The following STON2 variants were observed in gnomAD, a reference collection of about 807,000 sequenced individuals.
The protein encoded by STON2 is stonin 2, also known as stonin-2.
In STON2, 29 loss-of-function variants were observed where a neutral mutation model predicts 65.7. The ratio of observed to expected loss-of-function variants is 0.44; its 90% CI spans 0.33 to 0.60. The LOEUF is 0.60. Among genes scored for constraint, STON2 ranks in the 20% least tolerant of loss-of-function variants. The pLI is 0.03. For synonymous variants in STON2, 404 were observed against 414.2 expected (o/e 0.98, Z 0.30); for missense variants, 1,054 against 1,118.1 (o/e 0.94, Z 0.82).
upstream of STON2, among the ~76,000 whole-genome samples, chr14:81,401,588 TTGC>T (rs1566944890): frequency 6.6e-6 from 1 of 152,174 alleles, no homozygotes; most frequent in Non-Finnish European, 1.5e-5. Context: ...CTGGAATTAG[TTGC>T]TTGGTAAAAA....
chr14:81,323,098 G>T (rs748701092), intron 5 of STON2, among the ~76,000 whole-genome samples: 3 of 152,150 alleles, frequency 2.0e-5, no homozygotes, highest in Non-Finnish European at 4.4e-5. Context: ...ACATGTTTAT[G>T]AATATCTTCC....
At chr14:81,312,991 G>A (rs1240767360) in intron 5 of STON2, among the ~76,000 whole-genome samples, 1 of 152,224 alleles carries the variant, frequency 6.6e-6, no homozygotes, top group Non-Finnish European at 1.5e-5. Flanking sequence ...AAAGGGCAAA[G>A]CCCCGTGTTT....
At chr14:81,332,758 TAATA>T (rs1267484497) in intron 4 of STON2, among the ~76,000 whole-genome samples, 2 of 152,238 alleles carry the variant, frequency 1.3e-5, no homozygotes, top group African/African-American at 4.8e-5. Flanking sequence ...AATAAAATAA[TAATA>T]AATTATTGGA....
At chr14:81,329,182 G>A (rs1041984031) in intron 4 of STON2, among the ~76,000 whole-genome samples, 4 of 152,134 alleles carry the variant, frequency 2.6e-5, no homozygotes, top group Admixed American at 1.3e-4. Context: ...ATGGCCGGGC[G>A]CGGTGGCTCA....
At position 81,434,633 on chromosome 14, in the gene STON2, A is replaced by G. The variant is rs567127662; in HGVS notation, c.-310+1688T>C. 5.9e-5 allele frequency among the ~76,000 whole-genome samples: 9 copies of G among 152,270 alleles called. No individual in the cohort carries two copies. In the South Asian group the frequency reaches 1.5e-3, roughly 25 times the overall value. On this transcript the variant is annotated intron_variant, in intron 1 of 8. Transcript: ENST00000553821. ...GGATAGGGGGTAGTATGGTGTGGTA[A>G]GACAGATTCCCACTGACATCACCCT...
intron 4 of STON2, among the ~76,000 whole-genome samples, chr14:81,365,742 C>T (rs1898694137): frequency 6.6e-6 from 1 of 151,952 alleles, no homozygotes; most frequent in Non-Finnish European, 1.5e-5. Flanking sequence ...GGTGACAGAA[C>T]AAGACTCTGT....
chr14:81,369,490 G>T (rs1346771776), intron 4 of STON2, among the ~76,000 whole-genome samples: 1 of 152,148 alleles, frequency 6.6e-6, no homozygotes, highest in African/African-American at 2.4e-5. Context: ...TTCCTTCAGT[G>T]AGGGGCCCAT....
At chr14:81,341,469 T>TCC (rs1555401172) in intron 4 of STON2, among the ~76,000 whole-genome samples, 9 of 148,178 alleles carry the variant, frequency 6.1e-5, no homozygotes, top group African/African-American at 2.1e-4. Flanking sequence ...TTTTTTTTTT[T>TCC]CCCAAAAGTC....
chr14:81,265,373 G>T lies in STON2; in HGVS notation c.*3041C>A. The stretch of plus-strand genomic sequence containing the variant: ...TTTTAAAAATTAATAATAATTTGTG[G>T]GTCCAGCATGGTGGCTCACGCCTGT... On this transcript the variant is annotated 3_prime_UTR_variant, in exon 8 of 8. Transcript: ENST00000614646. 1.0e-6 allele frequency: 1 copy of T among 982,630 alleles called. No individual in the cohort carries two copies. Among genetic ancestry groups the T allele is most frequent in the Non-Finnish European group, 1.2e-6 (1 of 827,562 alleles). 60.9% of individuals were successfully genotyped at this position (982,630 alleles called of 1,614,324 possible).
At chr14:81,328,929 A>G (rs1897100470) in intron 4 of STON2, among the ~76,000 whole-genome samples, 1 of 152,172 alleles carries the variant, frequency 6.6e-6, no homozygotes, top group Non-Finnish European at 1.5e-5. Flanking sequence ...TGCCAGCGCC[A>G]TGCTTCTTGT....
Position 81,278,715 on chromosome 14 carries a change from T to C in STON2, c.767A>G (p.Asp256Gly), listed in dbSNP as rs1894984767. ...GATGGCCTCCATCTCTACTTCTTCA[T>C]CTTCTTGAAGCGAGGAGGAATTGTC... ...PNDNSSSLQE[D>G]EEVEMEAISW... The change falls in exon 6 of 8, where the codon GAT (aspartate) becomes GGT (glycine). Residue 256 changes from aspartate to glycine, a missense_variant. Transcript: ENST00000614646. 6.6e-7 allele frequency: 1 copy of C among 1,518,066 alleles called. No homozygotes were observed. The highest frequency in any genetic ancestry group is 2.3e-5 in the Admixed American group (1 of 43,936). 94.0% of individuals were successfully genotyped at this position (1,518,066 alleles called of 1,614,324 possible). A position where few individuals can be genotyped will look rare whatever the true frequency, so the allele number is the denominator to read the frequency against.
At chr14:81,360,873 C>T (rs1039039881) in intron 4 of STON2, among the ~76,000 whole-genome samples, 10 of 151,996 alleles carry the variant, frequency 6.6e-5, no homozygotes, top group African/African-American at 2.4e-4. Context: ...TTCTATACAC[C>T]AACAAATGTT....
chr14:81,367,721 C>A (rs1013852020), intron 4 of STON2, among the ~76,000 whole-genome samples: 3 of 152,154 alleles, frequency 2.0e-5, no homozygotes, highest in Admixed American at 6.5e-5. Flanking sequence ...CCATGGCCTG[C>A]GGAGCTGCTC....
chr14:81,362,685 C>T (rs529987115), intron 4 of STON2, among the ~76,000 whole-genome samples: 11 of 152,094 alleles, frequency 7.2e-5, no homozygotes, highest in Middle Eastern at 6.8e-3. Context: ...GTGATAGATA[C>T]GTTAATTGAT....
chr14:81,399,803 G>A (rs1295804918), intron 1 of STON2, among the ~76,000 whole-genome samples: 1 of 152,074 alleles, frequency 6.6e-6, no homozygotes, highest in Non-Finnish European at 1.5e-5. Context: ...GTGCTTCCAG[G>A]CCCTTTTGGT....
intron 2 of STON2, among the ~76,000 whole-genome samples, chr14:81,426,591 G>T (rs996915690): frequency 6.6e-6 from 1 of 151,948 alleles, no homozygotes; most frequent in Non-Finnish European, 1.5e-5. Context: ...TTTGACCAGC[G>T]ACTCTCCCTT....
intron 4 of STON2, among the ~76,000 whole-genome samples, chr14:81,358,543 A>T (rs552230360): frequency 3.2e-4 from 48 of 152,340 alleles, no homozygotes; most frequent in African/African-American, 1.2e-3. Context: ...GTAAGTTTTT[A>T]CCTATTAATA....
At chr14:81,436,178 C>G (rs1213256366) in intron 1 of STON2, 1 of 151,994 alleles carries the variant, frequency 6.6e-6, no homozygotes, top group East Asian at 2.0e-4. Flanking sequence ...CAGGCAGGCT[C>G]GGGGGCGCCA....
At chr14:81,284,987 C>T (rs775489930) in intron 5 of STON2, among the ~76,000 whole-genome samples, 17 of 152,110 alleles carry the variant, frequency 1.1e-4, no homozygotes, top group Admixed American at 5.9e-4. Context: ...TGAGACCTAC[C>T]GCTCAGAAAA....
Sources: gnomAD v4.1 joint callset for allele counts (sites outside exome capture counted in the v4.1 genomes callset) on GRCh38, gnomAD v4.1.1 for gene constraint, MANE v1.5 for transcripts, NCBI Gene and HGNC (gene_info 2026-07-23, HGNC 2026-07-21) for gene names.